Variants in IGFBP7 observed in about 807,000 individuals in gnomAD.
IGFBP7 encodes insulin like growth factor binding protein 7, also known as insulin-like growth factor-binding protein 7.
IGFBP7 carries 31 observed loss-of-function variants against 29.4 expected under a neutral mutation model. That is an observed-to-expected ratio of 1.05 (90% CI 0.79 to 1.42). IGFBP7 has a LOEUF of 1.42. Among genes scored for constraint, IGFBP7 ranks in the 40% most tolerant of loss-of-function variants. IGFBP7 has a pLI of 0.00. For missense variants in IGFBP7, 393 were observed against 395.5 expected (o/e 0.99, Z 0.05); for synonymous variants, 172 against 174.9 (o/e 0.98, Z 0.13).
intron 2 of IGFBP7, among the ~76,000 whole-genome samples, chr4:57,034,659 C>G (rs562974581): frequency 5.9e-5 from 9 of 152,166 alleles, no homozygotes; most frequent in African/African-American, 1.7e-4. Flanking sequence ...TTTTTTGGTA[C>G]TCTGCTGTTG....
intron 1 of IGFBP7, among the ~76,000 whole-genome samples, chr4:57,079,046 G>A (rs758737977): frequency 6.6e-6 from 1 of 152,130 alleles, no homozygotes; most frequent in African/African-American, 2.4e-5. Context: ...GATGATTAAT[G>A]CCTTCCATTT....
chr4:57,042,120 C>A (rs979956483), intron 1 of IGFBP7, among the ~76,000 whole-genome samples: 1 of 152,102 alleles, frequency 6.6e-6, no homozygotes, highest in Non-Finnish European at 1.5e-5. Context: ...CTTCTCCATT[C>A]CCCCAATTAG....
intron 2 of IGFBP7, among the ~76,000 whole-genome samples, chr4:57,035,074 G>C (rs1052289108): frequency 2.0e-5 from 3 of 152,086 alleles, no homozygotes; most frequent in Non-Finnish European, 4.4e-5. Context: ...CTGAATTTCA[G>C]AATCATATGA....
chr4:57,085,961 A>G (rs1039943502), intron 1 of IGFBP7, among the ~76,000 whole-genome samples: 1 of 152,036 alleles, frequency 6.6e-6, no homozygotes, highest in Admixed American at 6.6e-5. Context: ...TTCTTTGGTG[A>G]AGGGCCCTGT....
intron 1 of IGFBP7, among the ~76,000 whole-genome samples, chr4:57,103,228 C>A (rs568348956): frequency 7.9e-5 from 12 of 152,152 alleles, no homozygotes; most frequent in African/African-American, 2.7e-4. Flanking sequence ...AGTCTCACCC[C>A]CTTCCAATCC....
intron 1 of IGFBP7, among the ~76,000 whole-genome samples, chr4:57,068,329 AT>A (rs1724969558): frequency 6.6e-6 from 1 of 151,902 alleles, no homozygotes; most frequent in Non-Finnish European, 1.5e-5. Flanking sequence ...ATATGTGAGC[AT>A]TTGAAATGCT....
At chr4:57,038,383 CAA>C (rs774602530) in intron 2 of IGFBP7, among the ~76,000 whole-genome samples, 11 of 152,172 alleles carry the variant, frequency 7.2e-5, no homozygotes, top group Non-Finnish European at 7.3e-5. Flanking sequence ...ATATTGAGAG[CAA>C]AGAGTCAAGA....
intron 1 of IGFBP7, among the ~76,000 whole-genome samples, chr4:57,099,963 C>T (rs974093362): frequency 3.9e-5 from 6 of 152,110 alleles, no homozygotes; most frequent in Admixed American, 3.3e-4. Flanking sequence ...TCTTGAACTC[C>T]CGGTCTCAAG....
At chr4:57,033,848 C>T (rs112047030) in intron 2 of IGFBP7, among the ~76,000 whole-genome samples, 12 of 152,102 alleles carry the variant, frequency 7.9e-5, no homozygotes, top group African/African-American at 2.9e-4. Context: ...CAAAGGAGTT[C>T]GAGACCAGAC....
chr4:57,073,398 C>A (rs1441580356), intron 1 of IGFBP7, among the ~76,000 whole-genome samples: 1 of 151,612 alleles, frequency 6.6e-6, no homozygotes, highest in Admixed American at 6.6e-5. Context: ...AGTTCAAGAC[C>A]AGCCCGGACA....
rs73818605 is a variant in IGFBP7, at chr4:57,080,918, G to A, written c.475+28959C>T. Among the ~76,000 whole-genome samples, 1,516 of 152,280 alleles carry A rather than the reference G, an allele frequency of 1.0e-2. 25 individuals carry two copies. Among genetic ancestry groups the A allele is most frequent in the African/African-American group, 0.035 (1,454 of 41,548 alleles). ...CAGCTTTCCTTTCCACTGCCAAGGG[G>A]ATATCTCTGTTGGCTTCCGCTCATC... On this transcript the variant is annotated intron_variant, in intron 1 of 4. Coordinates refer to ENST00000295666, the MANE Select transcript of IGFBP7 (RefSeq NM_001553.3).
At chr4:57,063,248 G>T (rs1724840306) in intron 1 of IGFBP7, among the ~76,000 whole-genome samples, 1 of 151,568 alleles carries the variant, frequency 6.6e-6, no homozygotes, top group Non-Finnish European at 1.5e-5. Flanking sequence ...CTTCACTCCT[G>T]AATCCAACCC....
Position 57,081,211 on chromosome 4 carries a change from T to C in IGFBP7, c.475+28666A>G, listed in dbSNP as rs56268824. Among the ~76,000 whole-genome samples, 999 of 152,330 alleles carry C rather than the reference T, an allele frequency of 6.6e-3. 12 individuals are homozygous for C. Among genetic ancestry groups the C allele is most frequent in the African/African-American group, 0.023 (950 of 41,572 alleles). On this transcript the variant is annotated intron_variant, in intron 1 of 4. Transcript: ENST00000295666. ...CCTCTAATGATCCTAATGTTAGTTT[T>C]AAACTTGCTTGGTAATCACTTTGGA...
intron 1 of IGFBP7, chr4:57,073,066 C>G: frequency 6.8e-7 from 1 of 1,469,488 alleles, no homozygotes; most frequent in Non-Finnish European, 9.5e-7. Context: ...TCTGGAAACC[C>G]CCCACAGCTT....
In IGFBP7 at chr4:57,083,848, A is replaced by G. The variant is rs377522734; in HGVS notation, c.475+26029T>C. On this transcript the variant is annotated intron_variant, in intron 1 of 4. Coordinates refer to ENST00000295666, the MANE Select transcript of IGFBP7 (RefSeq NM_001553.3). ...ATTTTATTAGTTTTATTTTTCTTGA[A>G]ATTAATCCTTTTATCCATCTTGAAT... Among the ~76,000 whole-genome samples, 21 of 152,270 alleles carry G rather than the reference A, an allele frequency of 1.4e-4. No individual in the cohort carries two copies. The East Asian group carries it at 2.9e-3, about 21-fold the overall frequency.
intron 1 of IGFBP7, among the ~76,000 whole-genome samples, chr4:57,045,368 A>G (rs1463606473): frequency 6.6e-6 from 1 of 152,254 alleles, no homozygotes; most frequent in Non-Finnish European, 1.5e-5. Context: ...CCTTGAACAA[A>G]TGCTGGGTTT....
chr4:57,051,580 A>G (rs1297893086), intron 1 of IGFBP7, among the ~76,000 whole-genome samples: 1 of 152,158 alleles, frequency 6.6e-6, no homozygotes, highest in East Asian at 1.9e-4. Flanking sequence ...TCTAAATATA[A>G]TCTGTTGGGG....
chr4:57,053,139 C>G (rs1185200033), intron 1 of IGFBP7, among the ~76,000 whole-genome samples: 1 of 151,936 alleles, frequency 6.6e-6, no homozygotes, highest in Non-Finnish European at 1.5e-5. Context: ...GCCTCAGCCT[C>G]CAGAGTAGCT....
rs192263718 is a variant in IGFBP7, at chr4:57,087,657, C to T, written c.475+22220G>A. On this transcript the variant is annotated intron_variant, in intron 1 of 4. Transcript: ENST00000295666. ...TGGGCATATTTGAGAGTTGTTACTA[C>T]AATAGTTGGTAAAGTCAGAGGGAAT... 1.6e-3 allele frequency among the ~76,000 whole-genome samples: 240 copies of T among 152,278 alleles called. 1 individual carries two copies. The highest frequency in any genetic ancestry group is 6.8e-3 in the Middle Eastern group (2 of 294).
Sources: gnomAD v4.1 joint callset for allele counts (sites outside exome capture counted in the v4.1 genomes callset) on GRCh38, gnomAD v4.1.1 for gene constraint, MANE v1.5 for transcripts, NCBI Gene and HGNC (gene_info 2026-07-23, HGNC 2026-07-21) for gene names.